The following P2RY12 variants were observed in gnomAD, a reference collection of about 807,000 sequenced individuals.
P2RY12 encodes P2Y purinoceptor 12.
P2RY12 carries 3 observed loss-of-function variants against 4.5 expected under a neutral mutation model. The observed-to-expected ratio is 0.67, with a 90% CI of 0.31 to 1.74. P2RY12 has a LOEUF of 1.74. Among genes scored for constraint, P2RY12 ranks in the 40% most tolerant of loss-of-function variants. The pLI, the probability that P2RY12 is intolerant of heterozygous loss-of-function variation, is 0.09. For missense variants in P2RY12, 356 were observed against 407.8 expected, an observed-to-expected ratio of 0.87 and a Z score of 1.09; for synonymous variants, 148 against 154.1, an observed-to-expected ratio of 0.96 and a Z score of 0.29.
At chr3:151,378,503 T>A (rs936332137) in intron 1 of P2RY12, among the ~76,000 whole-genome samples, 4 of 151,858 alleles carry the variant, frequency 2.6e-5, no homozygotes, top group African/African-American at 9.7e-5. Context: ...TTTCTATTTT[T>A]TTATTATTTA....
intron 1 of P2RY12, chr3:151,376,291 T>A: frequency 8.6e-7 from 1 of 1,162,658 alleles, no homozygotes. Context: ...TCCTCTCTTT[T>A]TTTGTCCTTG....
chr3:151,341,923 C>A (rs920019028), intron 1 of P2RY12, among the ~76,000 whole-genome samples: 11 of 152,074 alleles, frequency 7.2e-5, no homozygotes, highest in African/African-American at 2.7e-4. Flanking sequence ...TTTTTTATGG[C>A]TGCATAGTAT....
At chr3:151,381,718 A>T (rs1712382255) in intron 1 of P2RY12, among the ~76,000 whole-genome samples, 1 of 152,118 alleles carries the variant, frequency 6.6e-6, no homozygotes, top group African/African-American at 2.4e-5. Context: ...ACTTAGTTTT[A>T]TTTGTCCCAC....
At chr3:151,365,333 CT>C in intron 1 of P2RY12, 1 of 704,628 alleles carries the variant, frequency 1.4e-6, no homozygotes, top group South Asian at 1.8e-5. Context: ...TCTAAATCTT[CT>C]TTTATTCCTT....
At chr3:151,370,218 T>G (rs7646193) in intron 1 of P2RY12, among the ~76,000 whole-genome samples, 9,063 of 152,288 alleles carry the variant, frequency 0.06, 401 homozygotes, top group Middle Eastern at 0.18. Flanking sequence ...AACATTATTC[T>G]GTAAATCTTA....
chr3:151,354,833 T>A (rs1753713575), intron 1 of P2RY12, among the ~76,000 whole-genome samples: 1 of 152,230 alleles, frequency 6.6e-6, no homozygotes, highest in African/African-American at 2.4e-5. Context: ...TACTATATGA[T>A]TTCCTTTATA....
chr3:151,357,272 A>G, intron 1 of P2RY12: 1 of 1,613,752 alleles, frequency 6.2e-7, no homozygotes, highest in Non-Finnish European at 8.5e-7. Context: ...CCAGCCTGGC[A>G]GGAAGTTATA....
intron 1 of P2RY12, among the ~76,000 whole-genome samples, chr3:151,341,370 T>G (rs894839708): frequency 6.6e-6 from 1 of 152,152 alleles, no homozygotes; most frequent in African/African-American, 2.4e-5. Context: ...GTGTCGTTCA[T>G]GCTTTTCTTG....
At chr3:151,357,522 C>T (rs989325874) in intron 1 of P2RY12, 4 of 672,274 alleles carry the variant, frequency 5.9e-6, no homozygotes, top group African/African-American at 1.8e-5. Context: ...CAGAAAACAT[C>T]GATCAAAAAG....
chr3:151,380,052 G>T, intron 1 of P2RY12: 3 of 1,034,820 alleles, frequency 2.9e-6, no homozygotes, highest in Non-Finnish European at 4.3e-6. Flanking sequence ...AATGAATGTT[G>T]CCAGAGGAAG....
rs1245597551 is a variant in P2RY12 at position 151,349,923 on chromosome 3, AGGT to A, written c.-179-9166_-179-9164del. The A allele has an allele frequency of 6.4e-5, 36 of 560,156 alleles. No homozygotes were observed. In the East Asian group the frequency reaches 1.1e-3, roughly 18 times the overall value. 34.7% of individuals were successfully genotyped at this position (560,156 alleles called of 1,614,324 possible). A position where few individuals can be genotyped will look rare whatever the true frequency, so the allele number is the denominator to read the frequency against. ...ACAAGGGTGTTGCCAGTGGAGGTTG[AGGT>A]GAATTGAAGGGAGGGCGGGATGCCA... On this transcript the variant is annotated intron_variant, in intron 1 of 2. Coordinates refer to ENST00000302632, the MANE Select transcript of P2RY12 (RefSeq NM_022788.5).
At chr3:151,375,138 T>C (rs1173886539) in intron 1 of P2RY12, among the ~76,000 whole-genome samples, 1 of 152,198 alleles carries the variant, frequency 6.6e-6, no homozygotes. Flanking sequence ...TTAAAACAAT[T>C]TGGATGCCTA....
chr3:151,355,943 A>G (rs1295708955), intron 1 of P2RY12: 1 of 1,614,108 alleles, frequency 6.2e-7, no homozygotes. Flanking sequence ...CGTCAGGAAC[A>G]TCCTATCATC....
At position 151,338,802 on chromosome 3, in the gene P2RY12, C is replaced by G; in HGVS notation, c.44G>C (p.Ser15Thr). Residue 15 changes from serine to threonine, a missense_variant, in exon 3 of 3, where the codon AGT (serine) becomes ACT (threonine). By Grantham distance (58) the Ser-to-Thr change is moderately conservative. Coordinates refer to ENST00000302632, the MANE Select transcript of P2RY12 (RefSeq NM_022788.5). ...GATTTTGTAGTCTCTGGTGCACAGA[C>G]TGGTGTTACCAGGCGCAGAGGTGAG... is the stretch of plus-strand genomic sequence containing the variant. ...DNLTSAPGNT[S>T]LCTRDYKITQ... 1.9e-6 allele frequency: 3 copies of G among 1,613,898 alleles called. No homozygotes were observed. Among genetic ancestry groups the G allele is most frequent in the Non-Finnish European group, 2.5e-6 (3 of 1,179,914 alleles).
At chr3:151,348,934 G>A (rs1346613165) in intron 1 of P2RY12, among the ~76,000 whole-genome samples, 1 of 152,206 alleles carries the variant, frequency 6.6e-6, no homozygotes, top group East Asian at 1.9e-4. Context: ...GGAACACAGT[G>A]CAGTTTGTTT....
At chr3:151,376,139 C>G (rs750380687) in intron 1 of P2RY12, 1 of 1,610,704 alleles carries the variant, frequency 6.2e-7, no homozygotes, top group Non-Finnish European at 8.5e-7. Flanking sequence ...TGCAGCTTAT[C>G]TGTTATCCTC....
At chr3:151,359,370 T>C (rs996078801) in intron 1 of P2RY12, among the ~76,000 whole-genome samples, 2 of 152,210 alleles carry the variant, frequency 1.3e-5, no homozygotes, top group Non-Finnish European at 2.9e-5. Context: ...TTGGCAGCTT[T>C]TACCTGCTGC....
In P2RY12 at chr3:151,368,639, C is replaced by T. The variant is rs148046900; in HGVS notation, c.-180+16053G>A. ...TATTTTATTTTATTTTATTTCATTT[C>T]ATTTCATTTCATTTCATTTCATTTC... On this transcript the variant is annotated intron_variant, in intron 1 of 2. Coordinates refer to ENST00000302632, the MANE Select transcript of P2RY12 (RefSeq NM_022788.5). 9.3e-3 allele frequency among the ~76,000 whole-genome samples: 507 copies of T among 54,578 alleles called. 3 individuals are homozygous for T. The highest frequency in any genetic ancestry group is 0.028 in the African/African-American group (360 of 12,794). The allele number at this position is 54,578 out of a possible 152,430, so 35.8% of individuals were successfully genotyped here.
intron 1 of P2RY12, among the ~76,000 whole-genome samples, chr3:151,345,234 G>C (rs141138980): frequency 6.6e-6 from 1 of 152,300 alleles, no homozygotes; most frequent in East Asian, 1.9e-4. Flanking sequence ...GGATAAAAGA[G>C]GTAGCCTGAC....
Sources: gnomAD v4.1 joint callset for allele counts (sites outside exome capture counted in the v4.1 genomes callset) on GRCh38, gnomAD v4.1.1 for gene constraint, MANE v1.5 for transcripts, NCBI Gene and HGNC (gene_info 2026-07-23, HGNC 2026-07-21) for gene names.